Variants in FOXP1 observed in about 807,000 individuals in gnomAD.
FOXP1 encodes the protein forkhead box P1.
In FOXP1, 15 loss-of-function variants were observed where a neutral mutation model predicts 98.2. That is an observed-to-expected ratio of 0.15 (90% CI 0.10 to 0.24). The LOEUF is 0.24. Among genes scored for constraint, FOXP1 ranks in the 10% least tolerant of loss-of-function variants. FOXP1 has a pLI of 1.00. For synonymous variants in FOXP1, 371 were observed against 314.5 expected, an observed-to-expected ratio of 1.18 and a Z score of -1.90; for missense variants, 633 against 848.5, an observed-to-expected ratio of 0.75 and a Z score of 3.15.
chr3:71,382,887 A>G (rs1436035934), intron 3 of FOXP1, among the ~76,000 whole-genome samples: 1 of 152,196 alleles, frequency 6.6e-6, no homozygotes, highest in African/African-American at 2.4e-5. Flanking sequence ...TAATCCTTTG[A>G]CGGCATCTCC....
chr3:71,482,598 C>T (rs1560546836), intron 3 of FOXP1, among the ~76,000 whole-genome samples: 2 of 151,954 alleles, frequency 1.3e-5, no homozygotes, highest in Admixed American at 6.6e-5. Context: ...CGGGGTTTCA[C>T]CATGTTGACC....
At chr3:71,014,545 G>T (rs2044158922) in intron 12 of FOXP1, among the ~76,000 whole-genome samples, 1 of 152,218 alleles carries the variant, frequency 6.6e-6, no homozygotes, top group Non-Finnish European at 1.5e-5. Context: ...GTGCTGGTGG[G>T]AGTGTAAACT....
At chr3:71,046,794 G>T in intron 10 of FOXP1, 148 bp downstream of exon 10, 3 of 983,168 alleles carry the variant, frequency 3.1e-6, no homozygotes, top group Admixed American at 1.7e-5. Flanking sequence ...TTCTACATGG[G>T]TCCATCATTA....
intron 6 of FOXP1, among the ~76,000 whole-genome samples, chr3:71,166,410 AC>A (rs1381866644): frequency 2.0e-5 from 3 of 152,170 alleles, no homozygotes; most frequent in Non-Finnish European, 4.4e-5. Context: ...CTTTTCTTGA[AC>A]TTTCTGTGTA....
intron 4 of FOXP1, among the ~76,000 whole-genome samples, chr3:71,349,322 CAT>C (rs955546538): frequency 6.6e-6 from 1 of 152,176 alleles, no homozygotes; most frequent in Admixed American, 6.5e-5. Flanking sequence ...ATCATTTTAA[CAT>C]AACGCACTTC....
chr3:71,396,955 T>TATATATATATACAC (rs1454869045), intron 3 of FOXP1, among the ~76,000 whole-genome samples: 2 of 51,926 alleles, frequency 3.9e-5, no homozygotes, highest in Admixed American at 1.6e-4. Context: ...TATGTGTATA[T>TATATATATATACAC]ATATATATGT....
chr3:71,117,542 G>A (rs2107790841), intron 6 of FOXP1, among the ~76,000 whole-genome samples: 1 of 152,266 alleles, frequency 6.6e-6, no homozygotes, highest in Non-Finnish European at 1.5e-5. Context: ...ATGTGTTTGT[G>A]TGTATGGGAG....
chr3:71,387,600 T>G (rs1432415035), intron 3 of FOXP1, among the ~76,000 whole-genome samples: 1 of 152,242 alleles, frequency 6.6e-6, no homozygotes, highest in Non-Finnish European at 1.5e-5. Flanking sequence ...GAATTCACAT[T>G]GGTTTTTTTC....
intron 7 of FOXP1, among the ~76,000 whole-genome samples, chr3:71,095,835 G>A (rs1038800358): frequency 1.3e-5 from 2 of 152,154 alleles, no homozygotes; most frequent in African/African-American, 4.8e-5. Flanking sequence ...AAAAAATGTG[G>A]CATAATCATT....
chr3:71,088,457 G>A (rs927144365), intron 7 of FOXP1, among the ~76,000 whole-genome samples: 1 of 150,148 alleles, frequency 6.7e-6, no homozygotes, highest in Non-Finnish European at 1.5e-5. Context: ...TCTCCCGGCT[G>A]CTTTCTCTGC....
chr3:71,297,189 AG>A (rs1196791238), intron 5 of FOXP1, among the ~76,000 whole-genome samples: 2 of 152,204 alleles, frequency 1.3e-5, no homozygotes, highest in Non-Finnish European at 2.9e-5. Context: ...TAATTTTACA[AG>A]GGGGGCATTA....
intron 6 of FOXP1, among the ~76,000 whole-genome samples, chr3:71,166,644 T>G (rs984195321): frequency 6.6e-5 from 10 of 152,214 alleles, no homozygotes; most frequent in Non-Finnish European, 7.3e-5. Context: ...AAATCTCTTC[T>G]GTAAACAAAA....
At chr3:71,369,875 G>C (rs984942375) in intron 3 of FOXP1, among the ~76,000 whole-genome samples, 3 of 152,148 alleles carry the variant, frequency 2.0e-5, no homozygotes, top group African/African-American at 7.2e-5. Flanking sequence ...TTGAACTTGA[G>C]ACAAATGAGG....
intron 5 of FOXP1, among the ~76,000 whole-genome samples, chr3:71,200,014 G>A (rs906325280): frequency 3.4e-5 from 5 of 146,570 alleles, no homozygotes; most frequent in Non-Finnish European, 4.5e-5. Flanking sequence ...CCTGGGAGGC[G>A]GAGGTTGCAG....
At chr3:71,075,716 GTTT>G (rs59622548) in intron 7 of FOXP1, among the ~76,000 whole-genome samples, 1 of 146,212 alleles carries the variant, frequency 6.8e-6, no homozygotes, top group East Asian at 2.0e-4. Context: ...GGTTTTTTTT[GTTT>G]TTTTTTTTTT....
intron 9 of FOXP1, among the ~76,000 whole-genome samples, chr3:71,051,935 C>T (rs1180097340): frequency 6.6e-6 from 1 of 152,160 alleles, no homozygotes; most frequent in Non-Finnish European, 1.5e-5. Flanking sequence ...ATATACTTTT[C>T]TCCACCCTGC....
intron 5 of FOXP1, among the ~76,000 whole-genome samples, chr3:71,246,083 G>C (rs577914414): frequency 6.6e-6 from 1 of 152,048 alleles, no homozygotes; most frequent in South Asian, 2.1e-4. Flanking sequence ...AATGCTGATG[G>C]GGACCACAGA....
chr3:71,091,613 G>C (rs916307606), intron 7 of FOXP1, among the ~76,000 whole-genome samples: 2 of 152,168 alleles, frequency 1.3e-5, no homozygotes, highest in Non-Finnish European at 2.9e-5. Context: ...ACTCCAAAGA[G>C]TTACCAAATT....
At chr3:71,039,600 T>A (rs897492707) in intron 11 of FOXP1, among the ~76,000 whole-genome samples, 6 of 152,132 alleles carry the variant, frequency 3.9e-5, no homozygotes, top group African/African-American at 1.4e-4. Flanking sequence ...GTCGGCGTTT[T>A]TCAGTGTATG....
Sources: gnomAD v4.1 joint callset for allele counts (sites outside exome capture counted in the v4.1 genomes callset) on GRCh38, gnomAD v4.1.1 for gene constraint, MANE v1.5 for transcripts, NCBI Gene and HGNC (gene_info 2026-07-23, HGNC 2026-07-21) for gene names.